Variants in ANKS3 observed in about 807,000 individuals in gnomAD.
The protein encoded by ANKS3 is ankyrin repeat and sterile alpha motif domain containing 3.
Under a neutral mutation model 80.7 loss-of-function variants are expected in ANKS3, and 62 were observed. The observed-to-expected ratio is 0.77, with a 90% CI of 0.63 to 0.95. The LOEUF is 0.95. Ranked by LOEUF, ANKS3 falls within the 40% of genes least tolerant of loss-of-function variation. The probability of loss-of-function intolerance (pLI) is 0.00; values close to 1 mark genes in which losing one functional copy is unlikely to be tolerated. For missense variants in ANKS3, 1,150 were observed against 883.6 expected (o/e 1.30, Z -3.82); for synonymous variants, 489 against 355.3 (o/e 1.38, Z -4.23).
At chr16:4,706,036 T>C (rs753969766) in intron 7 of ANKS3, among the ~76,000 whole-genome samples, 4 of 151,966 alleles carry the variant, frequency 2.6e-5, no homozygotes, top group Non-Finnish European at 5.9e-5. Context: ...TAGTTGGGAA[T>C]TATAGGCAGA....
rs558864636 is a variant in ANKS3, at chr16:4,701,276, C to T, written c.1120-142G>A. 946 of 1,423,208 alleles carry T rather than the reference C, an allele frequency of 6.6e-4. 1 individual carries two copies. The highest frequency in any genetic ancestry group is 1.9e-3 in the Admixed American group (93 of 48,688). The allele number at this position is 1,423,208 out of a possible 1,614,324, so 88.2% of individuals were successfully genotyped here. ...CAGGGGCTTCCGGTGCGTTCGCTGT[C>T]GTCTGAGAAGCCAGACCCTGGACAC... On this transcript the variant is annotated intron_variant, in intron 10 of 17. Transcript: ENST00000304283.
At chr16:4,701,653 G>A (rs962178955) in intron 9 of ANKS3, 110 bp from the exon 10 acceptor site, 11 of 901,344 alleles carry the variant, frequency 1.2e-5, no homozygotes, top group Middle Eastern at 4.4e-4. Context: ...GGCCTGCAGC[G>A]GTTGCTTCCT....
In ANKS3 at chr16:4,702,155, G is replaced by A. The variant is rs747655135; in HGVS notation, c.956C>T (p.Thr319Ile). The A allele has an allele frequency of 2.5e-6, 4 of 1,595,498 alleles. No homozygotes were observed. The South Asian group carries it at 4.5e-5, about 18-fold the overall frequency. The change falls in exon 9 of 18, where the codon ACC becomes ATC. Residue 319 changes from threonine (T) to isoleucine (I), a missense_variant. Thr to Ile is a moderately conservative substitution (Grantham distance 89). Coordinates refer to ENST00000304283, the MANE Select transcript of ANKS3 (RefSeq NM_133450.4). ...CACATCCCGCTCATTGATGGGGGAGGTGACATCCCGGCAGCAGAGGCCCTC... is the reference window on the plus strand; with the variant it reads ...CACATCCCGCTCATTGATGGGGGAGATGACATCCCGGCAGCAGAGGCCCTC... Reference protein sequence around the residue: ...EEEGLCCRDVTSPINERDVES... With the variant: ...EEEGLCCRDVISPINERDVES...
At chr16:4,709,605 T>C (rs183841748) in intron 7 of ANKS3, among the ~76,000 whole-genome samples, 2 of 152,186 alleles carry the variant, frequency 1.3e-5, no homozygotes, top group African/African-American at 2.4e-5. Flanking sequence ...AATGAGTTTA[T>C]ATACACAATT....
chr16:4,717,044 C>T (rs1479852655), intron 6 of ANKS3, among the ~76,000 whole-genome samples: 1 of 151,830 alleles, frequency 6.6e-6, no homozygotes, highest in African/African-American at 2.4e-5. Context: ...CCAGCCTGGC[C>T]AATGTGGGAA....
rs2079667469 is a variant in ANKS3 at position 4,697,972 on chromosome 16, C to T, written c.1810+5G>A. On this transcript the variant is annotated splice_donor_5th_base_variant and intron_variant, in intron 15 of 17. Coordinates refer to ENST00000304283, the MANE Select transcript of ANKS3 (RefSeq NM_133450.4). ...CCCAGTGCGGAGTCAGGCCACTGCT[C>T]TTACCAGCTGGGGGGACGGCTAGGC... 1.3e-6 allele frequency: 2 copies of T among 1,582,838 alleles called. No homozygotes were observed. Among genetic ancestry groups the T allele is most frequent in the Non-Finnish European group, 1.7e-6 (2 of 1,165,892 alleles).
At chr16:4,733,858 C>T (rs2081802166) in intron 1 of ANKS3, 80 bp downstream of exon 1, 1 of 941,632 alleles carries the variant, frequency 1.1e-6, no homozygotes, top group East Asian at 1.2e-4. Flanking sequence ...CAGGCACCCC[C>T]TCTCGCCCCG....
At chr16:4,708,603 T>C (rs2080324300) in intron 7 of ANKS3, among the ~76,000 whole-genome samples, 1 of 152,054 alleles carries the variant, frequency 6.6e-6, no homozygotes, top group Non-Finnish European at 1.5e-5. Flanking sequence ...TTCTTGTTTT[T>C]CCACTAAACA....
At chr16:4,706,400 C>G (rs542013769) in intron 7 of ANKS3, among the ~76,000 whole-genome samples, 2 of 151,832 alleles carry the variant, frequency 1.3e-5, no homozygotes, top group African/African-American at 4.8e-5. Context: ...CCCAGCTAAT[C>G]TTGTTTTTGT....
At chr16:4,726,824 G>T in intron 4 of ANKS3, 44 bp from the exon 5 acceptor site, 1 of 1,603,616 alleles carries the variant, frequency 6.2e-7, no homozygotes. Context: ...CATCTCCTCT[G>T]CGTGGGGCGG....
intron 2 of ANKS3, 174 bp from the exon 3 acceptor site, chr16:4,730,325 G>C (rs945303392): frequency 5.8e-6 from 3 of 518,140 alleles, no homozygotes; most frequent in Non-Finnish European, 9.1e-6. Flanking sequence ...GCTTTGGGCA[G>C]TCCCAACCAT....
At position 4,699,162 on chromosome 16, in the gene ANKS3, C is replaced by G. The variant is rs1164290955; in HGVS notation, c.1299G>C (p.Leu433=). The change falls in exon 12 of 18, where the codon CTG becomes CTC. Residue 433 remains leucine (L), a synonymous_variant. Coordinates refer to ENST00000304283, the MANE Select transcript of ANKS3 (RefSeq NM_133450.4). The part of the protein sequence containing the change: ...PYSGPQDLAA[L]LEQIGCLKYL... ...ACTTCAGACACCCGATCTGCTCCAG[C>G]AGTGCGGCAAGGTCCTGGCAGGCAC... 16 of 1,614,052 alleles carry G rather than the reference C, an allele frequency of 9.9e-6. No homozygotes were observed. The highest frequency in any genetic ancestry group is 1.4e-5 in the Non-Finnish European group (16 of 1,180,010).
chr16:4,701,553 G>A lies in ANKS3; in HGVS notation c.1010-10C>T. 6.2e-7 allele frequency: 1 copy of A among 1,603,692 alleles called. No homozygotes were observed. Reference sequence around the variant, plus strand: ...CAGAAAGCATGTTCCTCTGAGGGCGGGAAGACAGGGCGTCCGCCTGCAGCC... The same window carrying A: ...CAGAAAGCATGTTCCTCTGAGGGCGAGAAGACAGGGCGTCCGCCTGCAGCC... On this transcript the variant is annotated splice_polypyrimidine_tract_variant and intron_variant, in intron 9 of 17. Coordinates refer to ENST00000304283, the MANE Select transcript of ANKS3 (RefSeq NM_133450.4).
rs1422227606 is a variant in ANKS3 at position 4,701,084 on chromosome 16, G to T, written c.1170C>A (p.Tyr390Ter). The T allele has an allele frequency of 1.2e-6, 2 of 1,613,956 alleles. No individual in the cohort carries two copies. The highest frequency in any genetic ancestry group is 1.7e-6 in the Non-Finnish European group (2 of 1,180,046). ...GGCTGTCAGGATTCTTGGTCTTCAT[G>T]TAACTTTTAGCTTGTTTGCGAGCTG... ...KSSARKQAKS[Y>*]MKTKNPDSQW... Residue 390 changes from tyrosine to a stop codon, truncating the protein, a stop_gained, in exon 11 of 18, where the codon TAC becomes TAA. Transcript: ENST00000304283. LOFTEE classifies it high-confidence loss of function.
intron 7 of ANKS3, among the ~76,000 whole-genome samples, chr16:4,712,113 G>A (rs1457590657): frequency 6.6e-6 from 1 of 152,240 alleles, no homozygotes; most frequent in East Asian, 1.9e-4. Context: ...GCTCACGCCT[G>A]TAATCCCAGC....
chr16:4,724,100 C>G (rs1326409194), intron 6 of ANKS3, among the ~76,000 whole-genome samples: 2 of 152,216 alleles, frequency 1.3e-5, no homozygotes, highest in Middle Eastern at 3.4e-3. Context: ...ATACAACATA[C>G]AGAAATAACT....
Position 4,730,156 on chromosome 16 carries a change from G to A in ANKS3, c.-2-5C>T, listed in dbSNP as rs749029892. On this transcript the variant is annotated splice_polypyrimidine_tract_variant and splice_region_variant and intron_variant, in intron 2 of 17. Transcript: ENST00000304283. ...CATCGCTGAGCTCGGACATCACTGA[G>A]GAGGAAGGCCCAAGGGTTAGATCTT... 5 of 1,528,004 alleles carry A rather than the reference G, an allele frequency of 3.3e-6. No homozygotes were observed. Among genetic ancestry groups the A allele is most frequent in the African/African-American group, 1.4e-5 (1 of 72,162 alleles). The allele number at this position is 1,528,004 out of a possible 1,614,324, so 94.7% of individuals were successfully genotyped here.
At chr16:4,704,594 T>G in intron 8 of ANKS3, among the ~76,000 whole-genome samples, 1 of 152,150 alleles carries the variant, frequency 6.6e-6, no homozygotes, top group East Asian at 1.9e-4. Context: ...AGGCTAGGAT[T>G]CTTCACCAGC....
In ANKS3 at chr16:4,702,257, G is replaced by T. The variant is rs138641439; in HGVS notation, c.869-15C>A. On this transcript the variant is annotated splice_polypyrimidine_tract_variant and intron_variant, in intron 8 of 17. Coordinates refer to ENST00000304283, the MANE Select transcript of ANKS3 (RefSeq NM_133450.4). ...AGGAGCCTGCTCTGTGTACAGAATG[G>T]GGCCCATAAGCCCAGGGAACTCCAA... The T allele has an allele frequency of 1.2e-3, 1,839 of 1,510,256 alleles. 20 individuals carry two copies. In the African/African-American group the frequency reaches 0.023, roughly 19 times the overall value. The allele number at this position is 1,510,256 out of a possible 1,614,324, so 93.6% of individuals were successfully genotyped here.
Sources: gnomAD v4.1 joint callset for allele counts (sites outside exome capture counted in the v4.1 genomes callset) on GRCh38, gnomAD v4.1.1 for gene constraint, MANE v1.5 for transcripts, NCBI Gene and HGNC (gene_info 2026-07-23, HGNC 2026-07-21) for gene names.